Variants in ZNF420 observed in about 807,000 individuals in gnomAD.
The protein encoded by ZNF420 is zinc finger protein 420.
In ZNF420, 31 loss-of-function variants were observed where a neutral mutation model predicts 44.7. The observed-to-expected ratio is 0.69, with a 90% CI of 0.52 to 0.94. The LOEUF is 0.94. Ranked by LOEUF, ZNF420 falls within the 40% of genes least tolerant of loss-of-function variation. The pLI, the probability that ZNF420 is intolerant of heterozygous loss-of-function variation, is 0.00. For synonymous variants in ZNF420, 245 were observed against 267.4 expected, an observed-to-expected ratio of 0.92 and a Z score of 0.82; for missense variants, 681 against 827.9, an observed-to-expected ratio of 0.82 and a Z score of 2.18.
chr19:37,091,802 C>T (rs1454866956), intron 4 of ZNF420: 2 of 151,960 alleles, frequency 1.3e-5, no homozygotes, highest in African/African-American at 4.8e-5. Context: ...TGGTGTGTGC[C>T]TGTAATCCCA....
At chr19:37,018,742 A>C (rs1268190123) in intron 1 of ZNF420, among the ~76,000 whole-genome samples, 1 of 151,870 alleles carries the variant, frequency 6.6e-6, no homozygotes, top group Non-Finnish European at 1.5e-5. Flanking sequence ...GAATTTTTTT[A>C]TATTTTTAGT....
chr19:37,050,596 A>G (rs531248541), intron 1 of ZNF420, among the ~76,000 whole-genome samples: 5 of 152,110 alleles, frequency 3.3e-5, no homozygotes, highest in African/African-American at 1.2e-4. Flanking sequence ...GTTGCTTATC[A>G]GCTTAAGGAG....
intron 1 of ZNF420, among the ~76,000 whole-genome samples, chr19:37,009,431 G>A (rs1182081457): frequency 6.6e-6 from 1 of 152,100 alleles, no homozygotes; most frequent in East Asian, 1.9e-4. Flanking sequence ...CTTCCACCGG[G>A]CACATGCCTG....
At chr19:37,035,194 C>T (rs1967331222) in intron 1 of ZNF420, among the ~76,000 whole-genome samples, 1 of 152,134 alleles carries the variant, frequency 6.6e-6, no homozygotes, top group Non-Finnish European at 1.5e-5. Flanking sequence ...CAAATTTTCG[C>T]CAATCAAATA....
chr19:37,009,899 C>T (rs975681437), intron 1 of ZNF420, among the ~76,000 whole-genome samples: 2 of 152,094 alleles, frequency 1.3e-5, no homozygotes, highest in African/African-American at 4.8e-5. Flanking sequence ...GACAGGACTC[C>T]TGCGAGTCCG....
intron 1 of ZNF420, among the ~76,000 whole-genome samples, chr19:37,067,075 G>A (rs917785173): frequency 9.2e-5 from 14 of 152,118 alleles, no homozygotes; most frequent in Middle Eastern, 3.2e-3. Context: ...CCAATTATAC[G>A]AAGTTCTAGA....
chr19:37,078,888 A>AC (rs1968265538), intron 1 of ZNF420, among the ~76,000 whole-genome samples: 1 of 151,984 alleles, frequency 6.6e-6, no homozygotes, highest in South Asian at 2.1e-4. Flanking sequence ...TTGTGACAAG[A>AC]GTGTTTGGAT....
At chr19:37,059,351 C>A (rs1374278511) in intron 1 of ZNF420, among the ~76,000 whole-genome samples, 1 of 152,208 alleles carries the variant, frequency 6.6e-6, no homozygotes, top group African/African-American at 2.4e-5. Flanking sequence ...GAGCGGAGCG[C>A]GAGTCAACCC....
In ZNF420 at chr19:37,021,928, G is replaced by A. The variant is rs1460460036; in HGVS notation, c.-125+13846G>A. Among the ~76,000 whole-genome samples the A allele has an allele frequency of 4.7e-5, 5 of 106,192 alleles. No individual in the cohort carries two copies. The Admixed American group carries it at 6.8e-4, about 14-fold the overall frequency. The allele number at this position is 106,192 out of a possible 152,430, so 69.7% of individuals were successfully genotyped here. A position where few individuals can be genotyped will look rare whatever the true frequency, so the allele number is the denominator to read the frequency against. On this transcript the variant is annotated intron_variant, in intron 1 of 4. Coordinates refer to the ZNF420 transcript ENST00000587029. ...CTCCAGCCTGAGCAACAGAGCGACA[G>A]TCTGTCTCAAAAAAAAAAAAAAAAA...
intron 1 of ZNF420, chr19:37,024,791 A>G (rs1184160670): frequency 6.6e-6 from 1 of 152,252 alleles, no homozygotes; most frequent in Non-Finnish European, 1.5e-5. Context: ...TATGTTGCCC[A>G]GGCTGTTCTC....
At chr19:37,114,909 C>A (rs2146685449) in intron 4 of ZNF420, 1 of 152,590 alleles carries the variant, frequency 6.6e-6, no homozygotes, top group Admixed American at 6.5e-5. Flanking sequence ...ATCTAAAGTT[C>A]CCCGTTCTAG....
intron 1 of ZNF420, among the ~76,000 whole-genome samples, chr19:37,010,530 TTCTC>T (rs771143014): frequency 3.3e-5 from 5 of 151,938 alleles, no homozygotes; most frequent in African/African-American, 4.8e-5. Context: ...CCATTCTCTC[TTCTC>T]TCTCTGTCAC....
chr19:37,043,641 T>A (rs1013708566), intron 1 of ZNF420, among the ~76,000 whole-genome samples: 1 of 152,164 alleles, frequency 6.6e-6, no homozygotes, highest in Admixed American at 6.5e-5. Flanking sequence ...GCCCAGCTAA[T>A]TTTGTATGTT....
chr19:37,016,645 T>C (rs910706710), intron 1 of ZNF420, among the ~76,000 whole-genome samples: 4 of 152,186 alleles, frequency 2.6e-5, no homozygotes, highest in Non-Finnish European at 4.4e-5. Flanking sequence ...CCACCTTGGC[T>C]CCACTTTCAG....
chr19:37,065,367 A>G (rs562020469), intron 1 of ZNF420, among the ~76,000 whole-genome samples: 10 of 152,330 alleles, frequency 6.6e-5, no homozygotes, highest in Admixed American at 3.3e-4. Context: ...TATGTCAGAC[A>G]TGCAAGCCCT....
intron 1 of ZNF420, among the ~76,000 whole-genome samples, chr19:37,052,879 C>T (rs1007260538): frequency 4.6e-5 from 7 of 151,934 alleles, no homozygotes; most frequent in East Asian, 3.9e-4. Flanking sequence ...TGTGGTGTTC[C>T]CTGTATTTCC....
chr19:37,086,252 A>T (rs1029837069), intron 2 of ZNF420, among the ~76,000 whole-genome samples: 3 of 152,056 alleles, frequency 2.0e-5, no homozygotes, highest in African/African-American at 7.2e-5. Flanking sequence ...ATTTGCACTG[A>T]TCTGCCTGAC....
At chr19:37,092,713 CA>C (rs79944792) in intron 4 of ZNF420, 23,479 of 108,962 alleles carry the variant, frequency 0.22, 1,836 homozygotes, top group Middle Eastern at 0.29. Flanking sequence ...GACTCTGTCT[CA>C]AAAAAAAAAA....
upstream of ZNF420, among the ~76,000 whole-genome samples, chr19:37,075,803 G>C (rs971861306): frequency 2.6e-5 from 4 of 151,810 alleles, no homozygotes; most frequent in Non-Finnish European, 5.9e-5. Context: ...GGAGAGAAAT[G>C]ACCTATAATG....
Sources: allele counts gnomAD v4.1 joint callset (sites outside exome capture counted in the v4.1 genomes callset), GRCh38; gene constraint gnomAD v4.1.1; transcripts MANE v1.5; gene names NCBI Gene and HGNC (gene_info 2026-07-23, HGNC 2026-07-21).